DNAH11: variants seen among roughly 807,000 people sequenced by gnomAD.
The protein encoded by DNAH11 is axonemal beta dynein heavy chain 11.
Under a neutral mutation model 526.0 loss-of-function variants are expected in DNAH11, and 442 were observed. That is an observed-to-expected ratio of 0.84 (90% CI 0.78 to 0.91). The LOEUF (loss-of-function observed/expected upper bound fraction) is 0.91. DNAH11 is among the 40% of genes least tolerant of loss of function. The probability of loss-of-function intolerance (pLI) is 0.00; values close to 1 mark genes in which losing one functional copy is unlikely to be tolerated. For synonymous variants in DNAH11, 2,461 were observed against 1,935.9 expected, an observed-to-expected ratio of 1.27 and a Z score of -7.12; for missense variants, 6,989 against 5,448.7, an observed-to-expected ratio of 1.28 and a Z score of -8.90.
chr7:21,835,910 A>T (rs1781978511), intron 65 of DNAH11, among the ~76,000 whole-genome samples: 1 of 152,170 alleles, frequency 6.6e-6, no homozygotes, highest in South Asian at 2.1e-4. Flanking sequence ...CAAATTCAGT[A>T]AAGTTGTAGG....
intron 18 of DNAH11, among the ~76,000 whole-genome samples, chr7:21,603,484 A>G (rs1018048304): frequency 1.3e-5 from 2 of 152,004 alleles, no homozygotes; most frequent in African/African-American, 2.4e-5. Flanking sequence ...TTGCCAAACT[A>G]TTTTTCACAG....
At chr7:21,565,274 C>G (rs536823913) in intron 6 of DNAH11, among the ~76,000 whole-genome samples, 1 of 114,744 alleles carries the variant, frequency 8.7e-6, no homozygotes, top group Admixed American at 8.0e-5. Context: ...TCTTGTAAGA[C>G]CACAGGTCCT....
intron 48 of DNAH11, 93 bp downstream of exon 48, chr7:21,739,766 C>A: frequency 1.1e-6 from 1 of 930,376 alleles, no homozygotes; most frequent in Non-Finnish European, 1.6e-6. Context: ...TCTTGTTAAG[C>A]ACGTTTCTCA....
At chr7:21,722,048 G>T (rs1784897337) in intron 44 of DNAH11, among the ~76,000 whole-genome samples, 1 of 152,120 alleles carries the variant, frequency 6.6e-6, no homozygotes, top group South Asian at 2.1e-4. Context: ...CCAGCACACA[G>T]ATCCCACGAA....
rs867580279 is a variant in DNAH11, at chr7:21,588,261, A to G, written c.1848+60A>G. 4.5e-5 allele frequency: 69 copies of G among 1,543,614 alleles called. No individual in the cohort carries two copies. The Middle Eastern group carries it at 3.1e-3, about 69-fold the overall frequency. On this transcript the variant is annotated intron_variant, in intron 10 of 81. Coordinates refer to ENST00000409508, the MANE Select transcript of DNAH11 (RefSeq NM_001277115.2). ...ATCATTTAGGCGGATAATGACCATC[A>G]ACTAGAACTCTATGTGATTATATCT... is the stretch of plus-strand genomic sequence containing the variant.
intron 28 of DNAH11, among the ~76,000 whole-genome samples, chr7:21,650,413 C>G (rs1032717750): frequency 1.3e-5 from 2 of 151,828 alleles, no homozygotes; most frequent in African/African-American, 2.4e-5. Context: ...TTAAATGTGT[C>G]TGTGTTTGTG....
At chr7:21,621,172 C>T (rs1462519123) in intron 25 of DNAH11, among the ~76,000 whole-genome samples, 1 of 152,100 alleles carries the variant, frequency 6.6e-6, no homozygotes, top group Non-Finnish European at 1.5e-5. Flanking sequence ...TACAAACTAC[C>T]ATCAGAGAAT....
chr7:21,731,014 T>G (rs758191186), intron 45 of DNAH11, among the ~76,000 whole-genome samples: 1 of 151,962 alleles, frequency 6.6e-6, no homozygotes, highest in African/African-American at 2.4e-5. Flanking sequence ...TGTGGTGGTG[T>G]GCGCCTATAA....
Position 21,571,832 on chromosome 7 carries a change from T to G in DNAH11, c.1452T>G (p.Phe484Leu), listed in dbSNP as rs755256285. The change falls in exon 8 of 82, where the codon TTT (phenylalanine) becomes TTG (leucine). Residue 484 changes from phenylalanine (F) to leucine (L), a missense_variant. Phe to Leu is a conservative substitution (Grantham distance 22). Coordinates refer to ENST00000409508, the MANE Select transcript of DNAH11 (RefSeq NM_001277115.2). The part of the protein sequence containing the change: ...IEDIFATTLE[F>L]EKLERLEFGG... ...ATATATTTGCCACCACTTTGGAATTTGAAAAGCTGGAAAGACTGGAATTTG... is the reference window on the plus strand; with the variant it reads ...ATATATTTGCCACCACTTTGGAATTGGAAAAGCTGGAAAGACTGGAATTTG... 1.4e-5 allele frequency: 22 copies of G among 1,612,674 alleles called. No individual in the cohort carries two copies. The East Asian group carries it at 4.9e-4, about 36-fold the overall frequency.
rs376968286 is a variant in DNAH11, at chr7:21,582,024, T to G, written c.1710+3T>G. On this transcript the variant is annotated splice_donor_region_variant and intron_variant, in intron 9 of 81. Transcript: ENST00000409508. ...ATGGCTTAGAAGCTGCATTTAAGGT[T>G]AGTTCTGAAGAAGCTATCATAAAAA... 9.5e-6 allele frequency: 15 copies of G among 1,586,760 alleles called. No homozygotes were observed. Among genetic ancestry groups the G allele is most frequent in the East Asian group, 6.7e-5 (3 of 44,754 alleles).
chr7:21,558,020 A>G (rs1783289027), intron 2 of DNAH11, among the ~76,000 whole-genome samples: 1 of 152,256 alleles, frequency 6.6e-6, no homozygotes, highest in Non-Finnish European at 1.5e-5. Context: ...TTGTTTAACT[A>G]GAAGATTGTA....
chr7:21,690,968 C>T lies in DNAH11; in HGVS notation c.6041+87C>T, dbSNP rs1392566558. 7.3e-6 allele frequency: 7 copies of T among 953,130 alleles called. No homozygotes were observed. In the Admixed American group the frequency reaches 1.6e-4, roughly 22 times the overall value. 59.0% of individuals were successfully genotyped at this position (953,130 alleles called of 1,614,324 possible). On this transcript the variant is annotated intron_variant, in intron 35 of 81. Coordinates refer to ENST00000409508, the MANE Select transcript of DNAH11 (RefSeq NM_001277115.2). ...TGCACTGTTAAGTGGTTTGCTTTTA[C>T]TTGAAAATTCCTAAGGAAAATCCTA...
chr7:21,607,780 A>T (rs936387789), intron 20 of DNAH11, among the ~76,000 whole-genome samples: 26 of 149,548 alleles, frequency 1.7e-4, no homozygotes, highest in Non-Finnish European at 1.9e-4. Context: ...AATAAAAATT[A>T]AAAAAAAAAT....
intron 79 of DNAH11, among the ~76,000 whole-genome samples, chr7:21,895,755 A>C (rs576014680): frequency 2.0e-5 from 3 of 152,204 alleles, no homozygotes; most frequent in South Asian, 2.1e-4. Flanking sequence ...TTTGAGACAG[A>C]GTCTCACTCT....
Position 21,564,324 on chromosome 7 carries a change from A to G in DNAH11, c.1121A>G (p.His374Arg), listed in dbSNP as rs1783579877. The G allele has an allele frequency of 6.2e-7, 1 of 1,613,552 alleles. No homozygotes were observed. The highest frequency in any genetic ancestry group is 1.3e-5 in the African/African-American group (1 of 74,908). The change falls in exon 6 of 82, where the codon CAT becomes CGT. Residue 374 changes from histidine (H) to arginine (R), a missense_variant. By Grantham distance (29) the His-to-Arg change is conservative (BLOSUM62 0). Coordinates refer to ENST00000409508, the MANE Select transcript of DNAH11 (RefSeq NM_001277115.2). ...LFHTICLIWS[H>R]SKFYNTPARV... ...CATACCATCTGTCTGATCTGGAGTC[A>G]TTCCAAGTTTTATAACACCCCAGCT...
At chr7:21,812,123 G>C (rs1225171551) in intron 63 of DNAH11, among the ~76,000 whole-genome samples, 2 of 152,186 alleles carry the variant, frequency 1.3e-5, no homozygotes, top group African/African-American at 4.8e-5. Flanking sequence ...GTCAAGGCCA[G>C]AGAGTGGAAT....
chr7:21,613,605 ACTT>A lies in DNAH11; in HGVS notation c.3853-1505_3853-1503del, dbSNP rs1449773956. Among the ~76,000 whole-genome samples the A allele has an allele frequency of 1.5e-4, 23 of 152,294 alleles. No homozygotes were observed. The South Asian group carries it at 3.9e-3, about 26-fold the overall frequency. On this transcript the variant is annotated intron_variant, in intron 20 of 81. Transcript: ENST00000409508. ...GGTTGGGGAGATGTTAGTTCACAAG[ACTT>A]CTTGTACAATATGGTGACTATAGTT...
At chr7:21,565,307 A>G (rs1293297776) in intron 6 of DNAH11, among the ~76,000 whole-genome samples, 1 of 152,112 alleles carries the variant, frequency 6.6e-6, no homozygotes, top group Non-Finnish European at 1.5e-5. Context: ...CCCCATCTTT[A>G]CAACCTCATT....
At chr7:21,847,044 T>A (rs1782446803) in intron 66 of DNAH11, among the ~76,000 whole-genome samples, 1 of 152,164 alleles carries the variant, frequency 6.6e-6, no homozygotes, top group African/African-American at 2.4e-5. Context: ...ATGCCCCTCT[T>A]TCATTTCTCA....
Sources: gnomAD v4.1 joint callset for allele counts (sites outside exome capture counted in the v4.1 genomes callset) on GRCh38, gnomAD v4.1.1 for gene constraint, MANE v1.5 for transcripts, NCBI Gene and HGNC (gene_info 2026-07-23, HGNC 2026-07-21) for gene names.